SGCZ: variants seen among roughly 807,000 people sequenced by gnomAD.
SGCZ encodes zeta-sarcoglycan.
In SGCZ, 40 loss-of-function variants were observed where a neutral mutation model predicts 41.3. The ratio of observed to expected loss-of-function variants is 0.97; its 90% CI spans 0.75 to 1.26. The LOEUF is 1.26. SGCZ is among the 50% of genes most tolerant of loss of function. The probability of loss-of-function intolerance (pLI) is 0.00; values close to 1 mark genes in which losing one functional copy is unlikely to be tolerated. For missense variants in SGCZ, 552 were observed against 369.8 expected, an observed-to-expected ratio of 1.49 and a Z score of -4.04; for synonymous variants, 206 against 137.5, an observed-to-expected ratio of 1.50 and a Z score of -3.49.
At chr8:14,598,104 G>T (rs1214959058) in intron 1 of SGCZ, among the ~76,000 whole-genome samples, 2 of 152,048 alleles carry the variant, frequency 1.3e-5, no homozygotes, top group South Asian at 2.1e-4. Context: ...TTAAAAATGT[G>T]CAATGGCCAC....
chr8:14,786,671 CAGAA>C (rs1268308862), intron 1 of SGCZ, among the ~76,000 whole-genome samples: 1 of 151,808 alleles, frequency 6.6e-6, no homozygotes, highest in Non-Finnish European at 1.5e-5. Context: ...TATAAACAAA[CAGAA>C]AGTCTATGGA....
intron 1 of SGCZ, among the ~76,000 whole-genome samples, chr8:15,097,215 C>T (rs1360387929): frequency 1.3e-5 from 2 of 152,098 alleles, no homozygotes; most frequent in East Asian, 1.9e-4. Context: ...AACTTCATAA[C>T]GTGTATAAAT....
intron 2 of SGCZ, among the ~76,000 whole-genome samples, chr8:14,419,568 C>A (rs1477461749): frequency 6.6e-6 from 1 of 151,912 alleles, no homozygotes; most frequent in Non-Finnish European, 1.5e-5. Context: ...TATTCGTAAA[C>A]ATTTATATCT....
At chr8:14,181,691 C>T (rs1462101139) in intron 4 of SGCZ, among the ~76,000 whole-genome samples, 1 of 152,198 alleles carries the variant, frequency 6.6e-6, no homozygotes, top group African/African-American at 2.4e-5. Context: ...TTCCTCTGCA[C>T]AAGCGCTCTT....
chr8:14,605,704 T>C lies in SGCZ; in HGVS notation c.40-50778A>G, dbSNP rs1038934178. 1.3e-5 allele frequency among the ~76,000 whole-genome samples: 2 copies of C among 152,216 alleles called. 1 individual carries two copies. Among genetic ancestry groups the C allele is most frequent in the East Asian group, 3.9e-4 (2 of 5,188 alleles). On this transcript the variant is annotated intron_variant, in intron 1 of 7. Transcript: ENST00000382080. ...AAAGGGAAACCATCACAGAGAGTGT[T>C]GACTTCACTTCTTATTTGCAGATAT...
intron 1 of SGCZ, among the ~76,000 whole-genome samples, chr8:15,199,737 C>T (rs1406382125): frequency 6.6e-6 from 1 of 152,052 alleles, no homozygotes; most frequent in Admixed American, 6.6e-5. Flanking sequence ...GCTAGGGAAA[C>T]AAAGGATATA....
intron 1 of SGCZ, among the ~76,000 whole-genome samples, chr8:15,190,615 C>G (rs1289149012): frequency 6.6e-6 from 1 of 151,438 alleles, no homozygotes; most frequent in Non-Finnish European, 1.5e-5. Flanking sequence ...TGATATCATT[C>G]AGATGTTTTT....
intron 4 of SGCZ, among the ~76,000 whole-genome samples, chr8:14,173,486 G>C (rs1326527990): frequency 1.3e-5 from 2 of 151,986 alleles, no homozygotes; most frequent in Non-Finnish European, 2.9e-5. Flanking sequence ...CAGCAAATGG[G>C]ACTAAATTCG....
chr8:15,006,994 G>A (rs1802627965), intron 1 of SGCZ, among the ~76,000 whole-genome samples: 1 of 152,168 alleles, frequency 6.6e-6, no homozygotes, highest in South Asian at 2.1e-4. Flanking sequence ...GGAAATAACT[G>A]TTGAAAATAA....
chr8:15,190,712 G>A (rs976455309), intron 1 of SGCZ, among the ~76,000 whole-genome samples: 6 of 150,942 alleles, frequency 4.0e-5, no homozygotes, highest in African/African-American at 1.5e-4. Flanking sequence ...GTGGGGGATG[G>A]GGTTAGGTTT....
chr8:14,097,968 G>T (rs1193394811), intron 7 of SGCZ, among the ~76,000 whole-genome samples: 2 of 151,800 alleles, frequency 1.3e-5, no homozygotes, highest in Admixed American at 6.6e-5. Context: ...ATCTTATTCT[G>T]CTGATCACTT....
At chr8:14,665,174 C>G (rs941408474) in intron 1 of SGCZ, among the ~76,000 whole-genome samples, 1 of 152,256 alleles carries the variant, frequency 6.6e-6, no homozygotes, top group East Asian at 1.9e-4. Context: ...CTCCCCACCC[C>G]ACAACAGGCC....
chr8:14,140,301 T>G (rs1279253227), intron 5 of SGCZ, among the ~76,000 whole-genome samples: 25 of 152,136 alleles, frequency 1.6e-4, no homozygotes, highest in Non-Finnish European at 1.5e-5. Flanking sequence ...TTCAACATAC[T>G]GTTGAAAGTT....
At chr8:14,174,643 A>G (rs1049475413) in intron 4 of SGCZ, among the ~76,000 whole-genome samples, 5 of 152,154 alleles carry the variant, frequency 3.3e-5, no homozygotes, top group African/African-American at 4.8e-5. Context: ...ATAAAGATAA[A>G]TTACCTTCAA....
At position 14,492,062 on chromosome 8, in the gene SGCZ, C is replaced by T. The variant is rs547834274; in HGVS notation, c.234+62670G>A. Among the ~76,000 whole-genome samples the T allele has an allele frequency of 1.4e-4, 21 of 152,054 alleles. 1 individual carries two copies. The highest frequency in any genetic ancestry group is 2.2e-4 in the Non-Finnish European group (15 of 67,956). Reference sequence around the variant, plus strand: ...GTCATTTATGATTGAGAATAAAAAACGAGAAATGAAACTTTGATAGAAGTA... The same window carrying T: ...GTCATTTATGATTGAGAATAAAAAATGAGAAATGAAACTTTGATAGAAGTA... On this transcript the variant is annotated intron_variant, in intron 2 of 7. Transcript: ENST00000382080.
chr8:14,093,049 AAG>A (rs1218866182), intron 7 of SGCZ, among the ~76,000 whole-genome samples: 1 of 152,032 alleles, frequency 6.6e-6, no homozygotes, highest in East Asian at 1.9e-4. Context: ...GTTTCAGAAA[AAG>A]AAAAAAAACG....
intron 1 of SGCZ, among the ~76,000 whole-genome samples, chr8:14,716,846 A>G (rs1809705738): frequency 6.6e-6 from 1 of 152,128 alleles, no homozygotes; most frequent in Non-Finnish European, 1.5e-5. Flanking sequence ...TCCTATATTT[A>G]TAGCCCATGC....
At chr8:14,407,026 G>A (rs1474042891) in intron 2 of SGCZ, among the ~76,000 whole-genome samples, 1 of 148,666 alleles carries the variant, frequency 6.7e-6, no homozygotes, top group East Asian at 2.0e-4. Context: ...GCATCAATAT[G>A]AATATAAATA....
Position 14,578,000 on chromosome 8 carries a change from G to C in SGCZ, c.40-23074C>G, listed in dbSNP as rs1265991216. ...GATATGCACTGCAATTAAGTGAACT[G>C]TACACTACATCAAAGGGCCAGGAAA... On this transcript the variant is annotated intron_variant, in intron 1 of 7. Coordinates refer to ENST00000382080, the MANE Select transcript of SGCZ (RefSeq NM_139167.4). Among the ~76,000 whole-genome samples, 4 of 152,234 alleles carry C rather than the reference G, an allele frequency of 2.6e-5. No individual in the cohort carries two copies. The East Asian group carries it at 5.8e-4, about 22-fold the overall frequency.
Sources: gnomAD v4.1 joint callset for allele counts (sites outside exome capture counted in the v4.1 genomes callset) on GRCh38, gnomAD v4.1.1 for gene constraint, MANE v1.5 for transcripts, NCBI Gene and HGNC (gene_info 2026-07-23, HGNC 2026-07-21) for gene names.